The following MEGF11 variants were observed in gnomAD, a reference collection of about 807,000 sequenced individuals.
The protein encoded by MEGF11 is multiple epidermal growth factor-like domains protein 11.
Under a neutral mutation model 146.6 loss-of-function variants are expected in MEGF11, and 126 were observed. That is an observed-to-expected ratio of 0.86 (90% CI 0.74 to 1.00). MEGF11 has a LOEUF of 1.00. Among genes scored for constraint, MEGF11 ranks in the 50% least tolerant of loss-of-function variants. The pLI, the probability that MEGF11 is intolerant of heterozygous loss-of-function variation, is 0.00. For missense variants in MEGF11, 1,509 were observed against 1,521.2 expected, an observed-to-expected ratio of 0.99 and a Z score of 0.13; for synonymous variants, 532 against 583.4, an observed-to-expected ratio of 0.91 and a Z score of 1.27.
At chr15:65,965,166 C>G (rs71398245) in intron 8 of MEGF11, 46 bp from the exon 9 acceptor site, 1 of 1,469,870 alleles carries the variant, frequency 6.8e-7, no homozygotes, top group Non-Finnish European at 9.2e-7. Context: ...CAGGATCCCT[C>G]ACCTGTGCTT....
chr15:65,982,110 T>G lies in MEGF11; in HGVS notation c.641+132A>C. The G allele has an allele frequency of 1.4e-5, 15 of 1,107,288 alleles. No homozygotes were observed. The highest frequency in any genetic ancestry group is 3.2e-5 in the East Asian group (1 of 31,422). The allele number at this position is 1,107,288 out of a possible 1,614,324, so 68.6% of individuals were successfully genotyped here. A position where few individuals can be genotyped will look rare whatever the true frequency, so the allele number is the denominator to read the frequency against. ...CCCACAAGGAGCCCAGGGCTGGGCG[T>G]GCAGCTGCGGTGAGGGCAGCCACTC... On this transcript the variant is annotated intron_variant, in intron 6 of 25. Coordinates refer to ENST00000395614, the MANE Select transcript of MEGF11 (RefSeq NM_001385028.1). The surrounding 1 kb of genome is among the most constrained non-coding windows in gnomAD (Gnocchi z 5.6).
chr15:66,177,683 CTTT>C, intron 1 of MEGF11, among the ~76,000 whole-genome samples: 1 of 142,180 alleles, frequency 7.0e-6, no homozygotes, highest in Non-Finnish European at 1.5e-5. Context: ...CCTTTTTCTT[CTTT>C]TTTTTTTTTT....
chr15:66,050,933 G>A (rs2084423665), intron 5 of MEGF11, among the ~76,000 whole-genome samples: 1 of 152,252 alleles, frequency 6.6e-6, no homozygotes, highest in South Asian at 2.1e-4. Flanking sequence ...AGATGCCTGA[G>A]TTAAAAGATA....
rs150035216 is a variant in MEGF11 at position 66,127,650 on chromosome 15, T to C, written c.98+656A>G. Among the ~76,000 whole-genome samples the C allele has an allele frequency of 5.7e-3, 866 of 152,348 alleles. 21 individuals carry two copies. Among genetic ancestry groups the C allele is most frequent in the Admixed American group, 0.036 (545 of 15,308 alleles). Reference sequence around the variant, plus strand: ...TTCGGTTTTTTCCTGATTGGGTCTCTGGTCACTGTCTTTCTGCTCACCAAA... The same window carrying C: ...TTCGGTTTTTTCCTGATTGGGTCTCCGGTCACTGTCTTTCTGCTCACCAAA... On this transcript the variant is annotated intron_variant, in intron 2 of 25. Transcript: ENST00000395614.
intron 5 of MEGF11, among the ~76,000 whole-genome samples, chr15:66,084,326 G>A (rs1404177889): frequency 6.6e-6 from 1 of 152,180 alleles, no homozygotes; most frequent in Non-Finnish European, 1.5e-5. Flanking sequence ...TGGGAGGCAG[G>A]ACTAGATTGC....
rs79929220 is a variant in MEGF11, at chr15:65,923,654, C to T, written c.1676-685G>A. ...TGTTTTCTCTGTACTATGATGTATTCGATTTCAGCTTTTAAAATGCTAGTT... is the reference window on the plus strand; with the variant it reads ...TGTTTTCTCTGTACTATGATGTATTTGATTTCAGCTTTTAAAATGCTAGTT... On this transcript the variant is annotated intron_variant, in intron 13 of 25. Transcript: ENST00000395614. Among the ~76,000 whole-genome samples, 321 of 152,270 alleles carry T rather than the reference C, an allele frequency of 2.1e-3. 1 individual carries two copies. The highest frequency in any genetic ancestry group is 7.1e-3 in the African/African-American group (295 of 41,542).
At chr15:66,072,235 T>G (rs1378014677) in intron 5 of MEGF11, among the ~76,000 whole-genome samples, 1 of 152,162 alleles carries the variant, frequency 6.6e-6, no homozygotes, top group Non-Finnish European at 1.5e-5. Flanking sequence ...AATTTTCTTC[T>G]GCTGAGTCAA....
chr15:66,245,294 G>C (rs373542282), intron 1 of MEGF11, among the ~76,000 whole-genome samples: 46 of 152,152 alleles, frequency 3.0e-4, no homozygotes, highest in Middle Eastern at 3.4e-3. Context: ...TCATCTGGTA[G>C]GTGCTATGGA....
intron 1 of MEGF11, among the ~76,000 whole-genome samples, chr15:66,167,071 G>A (rs1567270036): frequency 6.6e-6 from 1 of 152,144 alleles, no homozygotes; most frequent in East Asian, 1.9e-4. Flanking sequence ...TCACCTGAAC[G>A]CTGACTTACA....
intron 5 of MEGF11, among the ~76,000 whole-genome samples, chr15:66,057,445 G>T (rs905674150): frequency 6.6e-6 from 1 of 152,098 alleles, no homozygotes; most frequent in Non-Finnish European, 1.5e-5. Context: ...AGAATGCATT[G>T]GTAAGCAGCA....
rs927623705 is a variant in MEGF11 at position 65,895,501 on chromosome 15, A to T, written c.*2433T>A. The T allele has an allele frequency of 6.5e-6, 1 of 152,680 alleles. No homozygotes were observed. Among genetic ancestry groups the T allele is most frequent in the African/African-American group, 2.4e-5 (1 of 41,472 alleles). The allele number at this position is 152,680 out of a possible 1,614,324, so 9.5% of individuals were successfully genotyped here. ...TTTAGTTTCTGAAAAATAATTGAACAGATCTTTCAAAGTCACCCATAAAAT... is the reference window on the plus strand; with the variant it reads ...TTTAGTTTCTGAAAAATAATTGAACTGATCTTTCAAAGTCACCCATAAAAT... On this transcript the variant is annotated 3_prime_UTR_variant, in exon 26 of 26. Transcript: ENST00000395614.
At chr15:66,132,701 G>A (rs55993706) in intron 1 of MEGF11, among the ~76,000 whole-genome samples, 3 of 151,954 alleles carry the variant, frequency 2.0e-5, no homozygotes, top group African/African-American at 7.2e-5. Flanking sequence ...TAAACTCTGG[G>A]GAGGGACAAC....
intron 24 of MEGF11, among the ~76,000 whole-genome samples, chr15:65,901,184 A>T (rs2078486448): frequency 6.6e-6 from 1 of 152,046 alleles, no homozygotes; most frequent in Non-Finnish European, 1.5e-5. Context: ...AAGTCCAAGA[A>T]CCCCAGCATG....
At chr15:66,053,598 C>T (rs1197866730) in intron 5 of MEGF11, among the ~76,000 whole-genome samples, 1 of 151,914 alleles carries the variant, frequency 6.6e-6, no homozygotes, top group Non-Finnish European at 1.5e-5. Flanking sequence ...ACCCTCAGGG[C>T]CCAGACCCCT....
At chr15:66,188,774 C>T (rs1057431400) in intron 1 of MEGF11, among the ~76,000 whole-genome samples, 3 of 152,188 alleles carry the variant, frequency 2.0e-5, no homozygotes, top group Admixed American at 6.5e-5. Context: ...CATCAAGCAC[C>T]CCACAGAGCA....
At chr15:66,196,086 AAT>A (rs1157097143) in intron 1 of MEGF11, among the ~76,000 whole-genome samples, 1 of 152,074 alleles carries the variant, frequency 6.6e-6, no homozygotes, top group Non-Finnish European at 1.5e-5. Flanking sequence ...CAGAGCACTA[AAT>A]GAAGGCCAGT....
intron 15 of MEGF11, among the ~76,000 whole-genome samples, chr15:65,921,440 C>G (rs1432040503): frequency 1.3e-5 from 2 of 152,226 alleles, no homozygotes; most frequent in African/African-American, 4.8e-5. Context: ...GCCCATGTCT[C>G]TGTGCTTTGC....
chr15:66,085,197 A>G (rs2086056770), intron 5 of MEGF11, among the ~76,000 whole-genome samples: 1 of 152,178 alleles, frequency 6.6e-6, no homozygotes, highest in Admixed American at 6.5e-5. Context: ...GTCTGAGCTC[A>G]GACATGCCTA....
chr15:66,138,328 G>A (rs1295371439), intron 1 of MEGF11, among the ~76,000 whole-genome samples: 1 of 152,234 alleles, frequency 6.6e-6, no homozygotes. Flanking sequence ...TCACAATGGT[G>A]TGGCATGTGT....
Sources: allele counts gnomAD v4.1 joint callset (sites outside exome capture counted in the v4.1 genomes callset), GRCh38; gene constraint gnomAD v4.1.1; non-coding constraint Gnocchi (gnomAD v3.1); transcripts MANE v1.5; gene names NCBI Gene and HGNC (gene_info 2026-07-23, HGNC 2026-07-21).